Variants in LOC400499 observed in about 807,000 individuals in gnomAD.
chr16:11,437,592 G>C, the LOC400499 span, among the ~76,000 whole-genome samples: 1 of 152,008 alleles, frequency 6.6e-6, no homozygotes, highest in African/African-American at 2.4e-5. Flanking sequence ...TTTGAGCTGG[G>C]CACAGCAGCT....
chr16:11,456,287 C>T, the LOC400499 span, among the ~76,000 whole-genome samples: 3 of 152,080 alleles, frequency 2.0e-5, 1 homozygote, highest in Non-Finnish European at 2.9e-5. Flanking sequence ...TCAAGTAATC[C>T]GCCCCCACAC....
chr16:11,430,254 G>A, the LOC400499 span, among the ~76,000 whole-genome samples: 2 of 152,146 alleles, frequency 1.3e-5, no homozygotes, highest in Non-Finnish European at 1.5e-5. Context: ...TGGGAGTGGA[G>A]GCAGATCGAT....
the LOC400499 span, among the ~76,000 whole-genome samples, chr16:11,464,153 GTA>G: frequency 1.6e-5 from 1 of 64,172 alleles, no homozygotes; most frequent in African/African-American, 6.6e-5. Context: ...TGTATGATGT[GTA>G]TGTGTATGGA....
the LOC400499 span, among the ~76,000 whole-genome samples, chr16:11,482,150 A>G: frequency 2.0e-5 from 3 of 152,180 alleles, no homozygotes; most frequent in African/African-American, 4.8e-5. Flanking sequence ...GGTTCCCAAG[A>G]CACAGACATC....
the LOC400499 span, chr16:11,399,535 C>T: frequency 7.5e-6 from 3 of 398,640 alleles, no homozygotes; most frequent in South Asian, 1.3e-4. Context: ...GTTCAACGAA[C>T]ACAGCTGGGG....
the LOC400499 span, among the ~76,000 whole-genome samples, chr16:11,373,701 C>A: frequency 6.6e-6 from 1 of 152,096 alleles, no homozygotes; most frequent in Non-Finnish European, 1.5e-5. Context: ...TTCACTGCAA[C>A]CTCTACCTCC....
At chr16:11,488,923 G>A in the LOC400499 span, 1 of 398,456 alleles carries the variant, frequency 2.5e-6, no homozygotes, top group Non-Finnish European at 4.4e-6. Flanking sequence ...CCAGGAGCTG[G>A]CGCTGTCCAG....
the LOC400499 span, among the ~76,000 whole-genome samples, chr16:11,509,203 C>T: frequency 9.9e-5 from 15 of 151,098 alleles, no homozygotes; most frequent in Non-Finnish European, 1.6e-4. Flanking sequence ...CTGCAAGCTC[C>T]GCCTCCTGGG....
At chr16:11,423,341 C>T in the LOC400499 span, 4 of 398,696 alleles carry the variant, frequency 1.0e-5, no homozygotes, top group Admixed American at 4.4e-5. Flanking sequence ...CCCACTTGAC[C>T]CCGCCACCCT....
chr16:11,501,041 A>C, the LOC400499 span: 1 of 398,066 alleles, frequency 2.5e-6, no homozygotes. Context: ...ACCCGGGGGT[A>C]AACTGAGGCT....
chr16:11,433,361 G>T, the LOC400499 span, among the ~76,000 whole-genome samples: 2 of 152,264 alleles, frequency 1.3e-5, no homozygotes, highest in South Asian at 4.1e-4. Flanking sequence ...CCACAGCCCA[G>T]GGTCTCCTTA....
At chr16:11,465,343 TC>T in the LOC400499 span, 1 of 152,064 alleles carries the variant, frequency 6.6e-6, no homozygotes. Context: ...GCCAGGCTGG[TC>T]CCAAATTCCT....
At chr16:11,511,127 G>C in the LOC400499 span, among the ~76,000 whole-genome samples, 4 of 146,060 alleles carry the variant, frequency 2.7e-5, 1 homozygote, top group African/African-American at 1.0e-4. Flanking sequence ...CTCTCAAGCA[G>C]CTGGAATTAC....
the LOC400499 span, among the ~76,000 whole-genome samples, chr16:11,514,008 G>A: frequency 6.6e-6 from 1 of 152,158 alleles, no homozygotes; most frequent in Non-Finnish European, 1.5e-5. Context: ...AATGCTATGT[G>A]TTAGCAGGAA....
At chr16:11,490,431 G>A in the LOC400499 span, among the ~76,000 whole-genome samples, 1 of 149,686 alleles carries the variant, frequency 6.7e-6, no homozygotes, top group Non-Finnish European at 1.5e-5. Context: ...CGGGCGCAGT[G>A]GCTCACACCT....
the LOC400499 span, among the ~76,000 whole-genome samples, chr16:11,520,159 G>A: frequency 6.6e-6 from 1 of 152,182 alleles, no homozygotes; most frequent in Non-Finnish European, 1.5e-5. Context: ...TTCTAGAGAT[G>A]GAGGGTGGTG....
chr16:11,449,229 C>G, the LOC400499 span: 3 of 874,340 alleles, frequency 3.4e-6, no homozygotes, highest in African/African-American at 5.0e-5. Flanking sequence ...CCCTTCAATG[C>G]CATTTCTCTG....
the LOC400499 span, among the ~76,000 whole-genome samples, chr16:11,488,281 G>A: frequency 1.3e-5 from 2 of 152,136 alleles, no homozygotes; most frequent in East Asian, 3.8e-4. Flanking sequence ...CCAATTTAGA[G>A]AAAAGATGTA....
the LOC400499 span, chr16:11,470,696 G>C: frequency 1.3e-5 from 2 of 152,350 alleles, no homozygotes; most frequent in Admixed American, 1.3e-4. Context: ...CTAGAGAGGA[G>C]GCACAGGAAC....
Sources: allele counts gnomAD v4.1 joint callset (sites outside exome capture counted in the v4.1 genomes callset), GRCh38; gene constraint gnomAD v4.1.1; transcripts MANE v1.5.